PCDHGA2: variants seen among roughly 807,000 people sequenced by gnomAD.
The protein encoded by PCDHGA2 is protocadherin gamma subfamily A, 2, also known as protocadherin gamma-A2.
A neutral mutation model predicts 59.2 loss-of-function variants in PCDHGA2; 40 were observed. The observed-to-expected ratio is 0.68, with a 90% confidence interval of 0.52 to 0.88. PCDHGA2 has a LOEUF of 0.88. Among genes scored for constraint, PCDHGA2 ranks in the 40% least tolerant of loss-of-function variants. The pLI is 0.00. For missense variants in PCDHGA2, 1,226 were observed against 1,204.0 expected, an observed-to-expected ratio of 1.02 and a Z score of -0.27; for synonymous variants, 560 against 526.0, an observed-to-expected ratio of 1.06 and a Z score of -0.89.
chr5:141,432,586 C>T lies in PCDHGA2; in HGVS notation c.2425-62221C>T. The T allele has an allele frequency of 1.9e-6, 3 of 1,613,852 alleles. No homozygotes were observed. Among genetic ancestry groups the T allele is most frequent in the Non-Finnish European group, 2.5e-6 (3 of 1,179,972 alleles). On this transcript the variant is annotated intron_variant, in intron 1 of 3. Transcript: ENST00000394576. The surrounding 1 kb of genome is among the most constrained non-coding windows in gnomAD (Gnocchi z 6.0). ...ACGCCTGGCTGTCCTACCGTCTGCT[C>T]AAGGCCAGCGAGCCGGGACTCTTCT...
chr5:141,427,999 T>A, intron 1 of PCDHGA2: 1 of 1,601,186 alleles, frequency 6.2e-7, no homozygotes, highest in Non-Finnish European at 8.5e-7. Context: ...GGCTCCGCAC[T>A]CTTCGATATA....
intron 1 of PCDHGA2, chr5:141,419,897 A>G: frequency 1.2e-6 from 2 of 1,613,960 alleles, no homozygotes; most frequent in African/African-American, 2.7e-5. Flanking sequence ...CGACCATCCC[A>G]CACCCTCTGA....
chr5:141,366,172 A>C lies in PCDHGA2; in HGVS notation c.2424+24777A>C, dbSNP rs559505576. On this transcript the variant is annotated intron_variant, in intron 1 of 3. Transcript: ENST00000394576. The stretch of plus-strand genomic sequence containing the variant: ...ACCGCCTGCTTAAGGCCAGCGAGCC[A>C]GGACTCTTTGCGGTTGGGCTGCACA... The C allele has an allele frequency of 2.6e-5, 42 of 1,613,958 alleles. No homozygotes were observed. The Admixed American group carries it at 7.0e-4, about 27-fold the overall frequency.
chr5:141,344,705 C>A (rs1183947419), intron 1 of PCDHGA2: 16 of 1,613,878 alleles, frequency 9.9e-6, no homozygotes, highest in Non-Finnish European at 1.4e-5. Flanking sequence ...TCCACTCTGG[C>A]AACTTGCACA....
chr5:141,344,716 T>C (rs1757459523), intron 1 of PCDHGA2: 2 of 1,613,862 alleles, frequency 1.2e-6, no homozygotes, highest in African/African-American at 2.7e-5. Context: ...AACTTGCACA[T>C]CCAAGTGATA....
rs1596285501 is a variant in PCDHGA2, at chr5:141,510,367, C to A, written c.2573-580C>A. Among the ~76,000 whole-genome samples the A allele has an allele frequency of 5.0e-5, 7 of 140,362 alleles. 1 individual carries two copies. In the South Asian group the frequency reaches 1.6e-3, roughly 31 times the overall value. The allele number at this position is 140,362 out of a possible 152,430, so 92.1% of individuals were successfully genotyped here. A position where few individuals can be genotyped will look rare whatever the true frequency, so the allele number is the denominator to read the frequency against. On this transcript the variant is annotated intron_variant, in intron 3 of 3. Transcript: ENST00000394576. ...ACACTTACTAACGGAACTACCGAAT[C>A]TCTACTCGTGCCAGGCCTTGCTTGG...
intron 1 of PCDHGA2, chr5:141,413,694 C>G (rs2095667651): frequency 1.2e-6 from 2 of 1,613,800 alleles, no homozygotes; most frequent in East Asian, 4.5e-5. Context: ...CCCTGCAGAG[C>G]TATCAGCTCA....
chr5:141,437,820 C>T (rs973577605), intron 1 of PCDHGA2, among the ~76,000 whole-genome samples: 4 of 151,904 alleles, frequency 2.6e-5, no homozygotes, highest in Non-Finnish European at 5.9e-5. Flanking sequence ...TCACTGCAAC[C>T]TCTGCCTCCT....
intron 1 of PCDHGA2, among the ~76,000 whole-genome samples, chr5:141,464,265 AAAAAAAAAAAAAGC>A (rs1446781862): frequency 7.4e-6 from 1 of 135,276 alleles, no homozygotes; most frequent in Non-Finnish European, 1.6e-5. Flanking sequence ...ACTCCGTCTA[AAAAAAAAAAAAAGC>A]AAAAAAAAAA....
chr5:141,443,436 T>A (rs1435598893), intron 1 of PCDHGA2, among the ~76,000 whole-genome samples: 1 of 152,132 alleles, frequency 6.6e-6, no homozygotes, highest in Admixed American at 6.6e-5. Context: ...CAGTGAGCTG[T>A]GGTTGCGCTC....
At chr5:141,468,024 T>C (rs1386255481) in intron 1 of PCDHGA2, among the ~76,000 whole-genome samples, 1 of 152,046 alleles carries the variant, frequency 6.6e-6, no homozygotes, top group African/African-American at 2.4e-5. Flanking sequence ...TGAAGTAAAA[T>C]ACTTCATTTA....
intron 1 of PCDHGA2, chr5:141,415,455 G>T: frequency 6.2e-7 from 1 of 1,614,186 alleles, no homozygotes; most frequent in Non-Finnish European, 8.5e-7. Context: ...ATTCCCACGA[G>T]GTCTCTCTCA....
intron 1 of PCDHGA2, chr5:141,385,016 C>T (rs536780147): frequency 1.2e-6 from 2 of 1,614,068 alleles, no homozygotes; most frequent in African/African-American, 1.3e-5. Flanking sequence ...GTCTTCCTAG[C>T]CTTCGTCCTC....
rs925034052 is a variant in PCDHGA2, at chr5:141,486,630, T to G, written c.2425-8177T>G. 2 of 1,613,690 alleles carry G rather than the reference T, an allele frequency of 1.2e-6. No individual in the cohort carries two copies. Among genetic ancestry groups the G allele is most frequent in the Non-Finnish European group, 1.7e-6 (2 of 1,180,028 alleles). ...GCAGCCTCTGACCCAGACTCTGGCTTGAATGCGCTTATCTCCTACTCACTC... is the reference window on the plus strand; with the variant it reads ...GCAGCCTCTGACCCAGACTCTGGCTGGAATGCGCTTATCTCCTACTCACTC... On this transcript the variant is annotated intron_variant, in intron 1 of 3. Coordinates refer to ENST00000394576, the MANE Select transcript of PCDHGA2 (RefSeq NM_018915.4). This position sits in a 1 kb window ranked among gnomAD's most constrained non-coding sequence, Gnocchi z 5.0.
At chr5:141,366,405 A>G (rs774336426) in intron 1 of PCDHGA2, 3 of 1,614,106 alleles carry the variant, frequency 1.9e-6, no homozygotes, top group Non-Finnish European at 1.7e-6. Context: ...CTCACACTCT[A>G]TCTTGTGGTG....
chr5:141,422,877 C>A, intron 1 of PCDHGA2: 1 of 1,614,246 alleles, frequency 6.2e-7, no homozygotes. Context: ...TGTCGCTGAG[C>A]CTGTTCGTGC....
rs141151122 is a variant in PCDHGA2, at chr5:141,491,445, C to T, written c.2425-3362C>T. ...GAGGGCAGTGCTGCAGGCGCCAGGA[C>T]TCACCCTCCCCGGACTTCTATAAGC... is the stretch of plus-strand genomic sequence containing the variant. On this transcript the variant is annotated intron_variant, in intron 1 of 3. Transcript: ENST00000394576. This position sits in a 1 kb window ranked among gnomAD's most constrained non-coding sequence, Gnocchi z 6.9. 1 of 1,614,112 alleles carries T rather than the reference C, an allele frequency of 6.2e-7. No individual in the cohort carries two copies. The highest frequency in any genetic ancestry group is 8.5e-7 in the Non-Finnish European group (1 of 1,180,032).
At chr5:141,420,237 C>A in intron 1 of PCDHGA2, 1 of 1,595,672 alleles carries the variant, frequency 6.3e-7, no homozygotes, top group Non-Finnish European at 8.6e-7. Context: ...AGCATTTTAA[C>A]TCCCAGCGTT....
rs746514228 is a variant in PCDHGA2, at chr5:141,351,319, A to T, written c.2424+9924A>T. Reference sequence around the variant, plus strand: ...TCATGTCCTTCTCTAACCAGATTCCAGAGGATTCAGACCTTGGAACTGTAA... The same window carrying T: ...TCATGTCCTTCTCTAACCAGATTCCTGAGGATTCAGACCTTGGAACTGTAA... On this transcript the variant is annotated intron_variant, in intron 1 of 3. Coordinates refer to ENST00000394576, the MANE Select transcript of PCDHGA2 (RefSeq NM_018915.4). The T allele has an allele frequency of 1.9e-6, 3 of 1,613,904 alleles. No homozygotes were observed. In the East Asian group the frequency reaches 6.7e-5, roughly 36 times the overall value.
Sources: gnomAD v4.1 joint callset for allele counts (sites outside exome capture counted in the v4.1 genomes callset) on GRCh38, gnomAD v4.1.1 for gene constraint, Gnocchi (gnomAD v3.1) non-coding constraint, MANE v1.5 for transcripts, NCBI Gene and HGNC (gene_info 2026-07-23, HGNC 2026-07-21) for gene names.